Variants in SCAMP1 observed in about 807,000 individuals in gnomAD.
The protein encoded by SCAMP1 is secretory carrier membrane protein 1, also known as secretory carrier-associated membrane protein 1.
In SCAMP1, 15 loss-of-function variants were observed where a neutral mutation model predicts 41.8. The observed-to-expected ratio is 0.36, with a 90% CI of 0.24 to 0.55. The LOEUF is 0.55. Among genes scored for constraint, SCAMP1 ranks in the 20% least tolerant of loss-of-function variants. The pLI is 0.86. For missense variants in SCAMP1, 341 were observed against 412.6 expected (o/e 0.83, Z 1.50); for synonymous variants, 135 against 136.8 (o/e 0.99, Z 0.09).
intron 7 of SCAMP1, among the ~76,000 whole-genome samples, chr5:78,457,008 G>A (rs1753424944): frequency 7.6e-6 from 1 of 130,870 alleles, no homozygotes; most frequent in African/African-American, 3.2e-5. Context: ...TCTTCACGTA[G>A]TTCTCGAGCC....
At chr5:78,472,057 G>A (rs1225257858) in intron 8 of SCAMP1, among the ~76,000 whole-genome samples, 1 of 151,750 alleles carries the variant, frequency 6.6e-6, no homozygotes, top group Non-Finnish European at 1.5e-5. Flanking sequence ...AATTCTCTAG[G>A]CTATTCTGCA....
intron 1 of SCAMP1, among the ~76,000 whole-genome samples, chr5:78,383,022 A>G (rs1751249279): frequency 1.3e-5 from 2 of 152,070 alleles, no homozygotes; most frequent in South Asian, 2.1e-4. Context: ...AGGAATTTCC[A>G]CCCTGTTTTC....
chr5:78,386,105 G>GAAATA (rs1377979380), intron 1 of SCAMP1, among the ~76,000 whole-genome samples: 3 of 152,080 alleles, frequency 2.0e-5, no homozygotes. Context: ...CTTAGGTCTA[G>GAAATA]TAGTACTTGT....
intron 1 of SCAMP1, among the ~76,000 whole-genome samples, chr5:78,371,643 A>G (rs1213794861): frequency 6.6e-6 from 1 of 152,198 alleles, no homozygotes; most frequent in African/African-American, 2.4e-5. Context: ...GTCTTTGCAT[A>G]CTTTAATGCT....
intron 6 of SCAMP1, among the ~76,000 whole-genome samples, chr5:78,436,501 T>G (rs1048904235): frequency 7.9e-5 from 12 of 152,254 alleles, no homozygotes. Flanking sequence ...CATTTCTTGT[T>G]TTTGTCAGGT....
intron 7 of SCAMP1, among the ~76,000 whole-genome samples, chr5:78,458,328 G>T (rs2112228587): frequency 6.6e-6 from 1 of 152,234 alleles, no homozygotes; most frequent in Admixed American, 6.5e-5. Context: ...GCATTTAGTG[G>T]TTATTACTTT....
intron 1 of SCAMP1, among the ~76,000 whole-genome samples, chr5:78,383,046 C>CTAGTT (rs539385607): frequency 6.6e-5 from 10 of 152,096 alleles, no homozygotes; most frequent in Non-Finnish European, 1.3e-4. Flanking sequence ...AGTGTTTGTA[C>CTAGTT]TAGTTTACAT....
In SCAMP1 at chr5:78,478,095, A is replaced by G. The variant is rs954139136; in HGVS notation, c.*2427A>G. 2 of 152,570 alleles carry G rather than the reference A, an allele frequency of 1.3e-5. No individual in the cohort carries two copies. Among genetic ancestry groups the G allele is most frequent in the African/African-American group, 4.8e-5 (2 of 41,446 alleles). The allele number at this position is 152,570 out of a possible 1,614,324, so 9.5% of individuals were successfully genotyped here. A position where few individuals can be genotyped will look rare whatever the true frequency, so the allele number is the denominator to read the frequency against. On this transcript the variant is annotated 3_prime_UTR_variant, in exon 9 of 9. Transcript: ENST00000621999. ...TGATTTGTAATTTGGGACTTGGATT[A>G]TTTATCTAGAGATGTTTGTATATTT...
intron 6 of SCAMP1, among the ~76,000 whole-genome samples, chr5:78,438,083 A>C (rs953846696): frequency 6.6e-6 from 1 of 151,734 alleles, no homozygotes; most frequent in African/African-American, 2.4e-5. Context: ...TTTTTATTGC[A>C]TCTATTTGAT....
chr5:78,400,963 T>C (rs1372883082), intron 2 of SCAMP1, among the ~76,000 whole-genome samples: 1 of 152,190 alleles, frequency 6.6e-6, no homozygotes, highest in South Asian at 2.1e-4. Flanking sequence ...TAAGTTGATG[T>C]TAGCATTGGG....
At chr5:78,373,306 A>G (rs1750986137) in intron 1 of SCAMP1, among the ~76,000 whole-genome samples, 1 of 152,190 alleles carries the variant, frequency 6.6e-6, no homozygotes, top group South Asian at 2.1e-4. Context: ...TTTATATTAA[A>G]TAGAAAAAGC....
At chr5:78,454,661 C>G (rs1024059440) in intron 7 of SCAMP1, among the ~76,000 whole-genome samples, 4 of 152,266 alleles carry the variant, frequency 2.6e-5, no homozygotes, top group African/African-American at 9.6e-5. Flanking sequence ...GGTTGTGTCT[C>G]TGCCAGGCTT....
At chr5:78,370,014 G>A (rs1334309073) in intron 1 of SCAMP1, among the ~76,000 whole-genome samples, 1 of 152,182 alleles carries the variant, frequency 6.6e-6, no homozygotes, top group African/African-American at 2.4e-5. Flanking sequence ...CATTAGAGGT[G>A]TTTTTTAACT....
At chr5:78,443,620 G>T (rs1752981920) in intron 6 of SCAMP1, among the ~76,000 whole-genome samples, 1 of 133,642 alleles carries the variant, frequency 7.5e-6, no homozygotes. Flanking sequence ...TTCCAGTCCT[G>T]TGCTTTTTTA....
At position 78,476,994 on chromosome 5, in the gene SCAMP1, C is replaced by T. The variant is rs561510746; in HGVS notation, c.*1326C>T. The T allele has an allele frequency of 2.0e-4, 31 of 152,056 alleles. No individual in the cohort carries two copies. Among genetic ancestry groups the T allele is most frequent in the Non-Finnish European group, 3.7e-4 (25 of 67,970 alleles). The allele number at this position is 152,056 out of a possible 1,614,324, so 9.4% of individuals were successfully genotyped here. On this transcript the variant is annotated 3_prime_UTR_variant, in exon 9 of 9. Coordinates refer to ENST00000621999, the MANE Select transcript of SCAMP1 (RefSeq NM_004866.6). ...TCAAAGACATCTGTAAGTCATGCTG[C>T]TGTGTTTTGAAAGTCTTTAACTAAA...
At chr5:78,366,459 T>A (rs10072335) in intron 1 of SCAMP1, among the ~76,000 whole-genome samples, 56,126 of 152,036 alleles carry the variant, frequency 0.37, 12,497 homozygotes, top group Non-Finnish European at 0.5. Context: ...GTCCTTTTTT[T>A]AATAGGGATA....
intron 8 of SCAMP1, among the ~76,000 whole-genome samples, chr5:78,469,940 A>G (rs1338877347): frequency 2.1e-5 from 2 of 96,938 alleles, no homozygotes; most frequent in African/African-American, 8.2e-5. Context: ...AAACAACAAC[A>G]CAGCCCAGGC....
chr5:78,379,748 A>G (rs1258251487), intron 1 of SCAMP1, among the ~76,000 whole-genome samples: 1 of 152,206 alleles, frequency 6.6e-6, no homozygotes, highest in African/African-American at 2.4e-5. Context: ...AGATAATTAG[A>G]TGTGTGTATT....
chr5:78,391,018 A>G (rs546027292), intron 2 of SCAMP1, among the ~76,000 whole-genome samples: 84 of 151,662 alleles, frequency 5.5e-4, no homozygotes, highest in Non-Finnish European at 8.8e-4. Context: ...TTTTCTTAGT[A>G]CAGAACAAAA....
Sources: gnomAD v4.1 joint callset for allele counts (sites outside exome capture counted in the v4.1 genomes callset) on GRCh38, gnomAD v4.1.1 for gene constraint, MANE v1.5 for transcripts, NCBI Gene and HGNC (gene_info 2026-07-23, HGNC 2026-07-21) for gene names.